USH2A: variants seen among roughly 807,000 people sequenced by gnomAD.
USH2A encodes Usher syndrome 2A (autosomal recessive, mild).
Under a neutral mutation model 538.9 loss-of-function variants are expected in USH2A, and 443 were observed. That is an observed-to-expected ratio of 0.82 (90% CI 0.76 to 0.89). The LOEUF is 0.89. USH2A is among the 40% of genes least tolerant of loss of function. The pLI is 0.00. For synonymous variants in USH2A, 2,413 were observed against 2,273.5 expected, an observed-to-expected ratio of 1.06 and a Z score of -1.75; for missense variants, 6,633 against 6,324.8, an observed-to-expected ratio of 1.05 and a Z score of -1.65.
At chr1:216,275,217 T>C (rs969408161) in intron 11 of USH2A, among the ~76,000 whole-genome samples, 23 of 152,048 alleles carry the variant, frequency 1.5e-4, no homozygotes, top group African/African-American at 5.6e-4. Flanking sequence ...AAGATGCAGG[T>C]AATATATGTC....
At chr1:216,211,577 C>G (rs997403901) in intron 15 of USH2A, among the ~76,000 whole-genome samples, 5 of 152,180 alleles carry the variant, frequency 3.3e-5, no homozygotes, top group Non-Finnish European at 5.9e-5. Flanking sequence ...ATAATATTTA[C>G]ATCATATGTT....
chr1:215,911,540 T>G (rs892400554), intron 38 of USH2A, among the ~76,000 whole-genome samples: 1 of 152,102 alleles, frequency 6.6e-6, no homozygotes, highest in African/African-American at 2.4e-5. Flanking sequence ...TGGATCTCAT[T>G]CTTTTCTACG....
rs986207575 is a variant in USH2A at position 215,956,205 on chromosome 1, A to C, written c.7120+9112T>G. Among the ~76,000 whole-genome samples, 9 of 152,188 alleles carry C rather than the reference A, an allele frequency of 5.9e-5. 1 individual carries two copies. The highest frequency in any genetic ancestry group is 1.7e-4 in the African/African-American group (7 of 41,460). ...ATTCAACAAGCACTGAACTCTTGCCACAACAAAGCATGCAAAAACCAACAC... is the reference window on the plus strand; with the variant it reads ...ATTCAACAAGCACTGAACTCTTGCCCCAACAAAGCATGCAAAAACCAACAC... On this transcript the variant is annotated intron_variant, in intron 37 of 71. Transcript: ENST00000307340.
chr1:216,078,308 T>TA lies in USH2A; in HGVS notation c.5352dup (p.Thr1785TyrfsTer13), dbSNP rs1181345434. The TA allele has an allele frequency of 1.2e-6, 2 of 1,613,660 alleles. No homozygotes were observed. The highest frequency in any genetic ancestry group is 2.7e-5 in the African/African-American group (2 of 74,904). ...AGCCCCAGCAATAGATCCACTTGTG[T>TA]AAAGGCAAGACTGGTATTTAACCGG... is the stretch of plus-strand genomic sequence containing the variant. On this transcript the variant is annotated frameshift_variant, in exon 27 of 72. Coordinates refer to ENST00000307340, the MANE Select transcript of USH2A (RefSeq NM_206933.4). LOFTEE classifies it high-confidence loss of function.
intron 61 of USH2A, among the ~76,000 whole-genome samples, chr1:215,698,168 T>C (rs887816631): frequency 1.3e-5 from 2 of 152,230 alleles, no homozygotes; most frequent in Non-Finnish European, 2.9e-5. Flanking sequence ...CATTCTTTTT[T>C]ATGGCTGCAT....
chr1:216,193,468 G>A (rs1166272396), intron 19 of USH2A, among the ~76,000 whole-genome samples: 1 of 151,914 alleles, frequency 6.6e-6, no homozygotes, highest in Non-Finnish European at 1.5e-5. Context: ...CTCCTAAAAA[G>A]GCTTAGAAAA....
intron 32 of USH2A, among the ~76,000 whole-genome samples, chr1:216,037,506 G>GT (rs2030041967): frequency 6.6e-6 from 1 of 151,950 alleles, no homozygotes; most frequent in South Asian, 2.1e-4. Flanking sequence ...ATTGTTCTTT[G>GT]TTTTCAGGAT....
At chr1:216,066,807 A>T (rs2031389344) in intron 30 of USH2A, among the ~76,000 whole-genome samples, 1 of 151,932 alleles carries the variant, frequency 6.6e-6, no homozygotes, top group South Asian at 2.1e-4. Flanking sequence ...GGTAAATATC[A>T]CTCTCCCATT....
Position 215,866,218 on chromosome 1 carries a change from G to T in USH2A, c.8845+789C>A, listed in dbSNP as rs12133996. On this transcript the variant is annotated intron_variant, in intron 44 of 71. Coordinates refer to ENST00000307340, the MANE Select transcript of USH2A (RefSeq NM_206933.4). ...TACATATTCTCATGGTAGATTCAGG[G>T]TTTTTTTCCTGATAGTCGTCAGGGA... Among the ~76,000 whole-genome samples, 1,462 of 152,160 alleles carry T rather than the reference G, an allele frequency of 9.6e-3. 15 individuals carry two copies. The highest frequency in any genetic ancestry group is 0.015 in the Non-Finnish European group (1,044 of 67,988).
At chr1:216,069,959 T>G in intron 30 of USH2A, 142 bp downstream of exon 30, 1 of 985,330 alleles carries the variant, frequency 1.0e-6, no homozygotes. Flanking sequence ...TTCCACTACT[T>G]TAGATGGGTG....
At chr1:216,107,636 T>C (rs2032768953) in intron 21 of USH2A, among the ~76,000 whole-genome samples, 1 of 151,692 alleles carries the variant, frequency 6.6e-6, no homozygotes, top group Admixed American at 6.6e-5. Context: ...GTTTTTAACT[T>C]AATTTTACCA....
chr1:216,285,717 A>T (rs1329289895), intron 11 of USH2A, among the ~76,000 whole-genome samples: 1 of 152,206 alleles, frequency 6.6e-6, no homozygotes, highest in Non-Finnish European at 1.5e-5. Flanking sequence ...GGAGGGCTGT[A>T]CCCAGCAAAG....
chr1:215,877,650 C>A, intron 43 of USH2A, 108 bp downstream of exon 43: 1 of 1,522,676 alleles, frequency 6.6e-7, no homozygotes, highest in South Asian at 1.1e-5. Flanking sequence ...TGTTTTATTG[C>A]ATAACTGATA....
At chr1:216,070,860 T>TG (rs1020511870) in intron 29 of USH2A, among the ~76,000 whole-genome samples, 1 of 11,352 alleles carries the variant, frequency 8.8e-5, no homozygotes, top group African/African-American at 3.8e-4. Flanking sequence ...TTTTTGGGGG[T>TG]GGGGGTGGGG....
intron 14 of USH2A, among the ~76,000 whole-genome samples, chr1:216,227,789 G>T (rs2035590778): frequency 6.6e-6 from 1 of 152,152 alleles, no homozygotes; most frequent in African/African-American, 2.4e-5. Flanking sequence ...TGAGGAGACT[G>T]GTAGGAGTTT....
At chr1:216,251,614 C>G (rs919881844) in intron 11 of USH2A, among the ~76,000 whole-genome samples, 13 of 151,924 alleles carry the variant, frequency 8.6e-5, no homozygotes, top group Non-Finnish European at 1.8e-4. Context: ...CCACGCTCAG[C>G]TAATTTTTGT....
chr1:215,750,078 G>T (rs981614011), intron 58 of USH2A, among the ~76,000 whole-genome samples: 18 of 152,038 alleles, frequency 1.2e-4, no homozygotes, highest in Non-Finnish European at 2.2e-4. Context: ...TTAGGAGCTG[G>T]AACAGGAAAA....
intron 4 of USH2A, among the ~76,000 whole-genome samples, chr1:216,347,349 T>C (rs1245065484): frequency 6.6e-6 from 1 of 152,130 alleles, no homozygotes; most frequent in African/African-American, 2.4e-5. Flanking sequence ...TTTGGCCTAA[T>C]GAATGACTTA....
intron 2 of USH2A, among the ~76,000 whole-genome samples, chr1:216,420,841 G>C (rs529996700): frequency 5.3e-4 from 80 of 152,218 alleles, no homozygotes; most frequent in Non-Finnish European, 9.7e-4. Flanking sequence ...AAAACAAAAT[G>C]AAGACATGCC....
Sources: allele counts gnomAD v4.1 joint callset (sites outside exome capture counted in the v4.1 genomes callset), GRCh38; gene constraint gnomAD v4.1.1; transcripts MANE v1.5; gene names NCBI Gene and HGNC (gene_info 2026-07-23, HGNC 2026-07-21).